The following MACROD2 variants were observed in gnomAD, a reference collection of about 807,000 sequenced individuals.
MACROD2 encodes the protein ADP-ribose glycohydrolase MACROD2.
Under a neutral mutation model 70.4 loss-of-function variants are expected in MACROD2, and 36 were observed. The ratio of observed to expected loss-of-function variants is 0.51; its 90% confidence interval spans 0.39 to 0.68. The LOEUF is 0.68. Ranked by LOEUF, MACROD2 falls within the 30% of genes least tolerant of loss-of-function variation. The probability of loss-of-function intolerance (pLI) is 0.00; values close to 1 mark genes in which losing one functional copy is unlikely to be tolerated. For missense variants in MACROD2, 496 were observed against 538.4 expected (o/e 0.92, Z 0.78); for synonymous variants, 172 against 178.8 (o/e 0.96, Z 0.30).
At chr20:15,487,953 C>G (rs1470528878) in intron 7 of MACROD2, among the ~76,000 whole-genome samples, 1 of 152,168 alleles carries the variant, frequency 6.6e-6, no homozygotes, top group South Asian at 2.1e-4. Flanking sequence ...GAGAATCATG[C>G]ACCTGTCTGT....
chr20:15,834,960 A>T (rs1333556674), intron 8 of MACROD2, among the ~76,000 whole-genome samples: 1 of 152,154 alleles, frequency 6.6e-6, no homozygotes, highest in South Asian at 2.1e-4. Flanking sequence ...AGGCTAAGTT[A>T]TAAAAGGCTT....
intron 3 of MACROD2, among the ~76,000 whole-genome samples, chr20:14,273,730 C>A (rs1017025771): frequency 5.3e-5 from 8 of 152,014 alleles, no homozygotes; most frequent in Non-Finnish European, 8.8e-5. Context: ...AGGATCAACA[C>A]AATTGATAGA....
In MACROD2 at chr20:15,789,851, A is replaced by G. The variant is rs139505533; in HGVS notation, c.646-72894A>G. Among the ~76,000 whole-genome samples, 1,105 of 152,196 alleles carry G rather than the reference A, an allele frequency of 7.3e-3. 6 individuals are homozygous for G. Among genetic ancestry groups the G allele is most frequent in the East Asian group, 0.015 (79 of 5,188 alleles). ...AGCTCTACAAAAATGCATGTTAACA[A>G]TTCTCAAAATTTGAGGAACCAAGTG... On this transcript the variant is annotated intron_variant, in intron 8 of 17. Transcript: ENST00000684519.
At chr20:14,633,645 CA>C (rs1984633135) in intron 4 of MACROD2, among the ~76,000 whole-genome samples, 2 of 152,188 alleles carry the variant, frequency 1.3e-5, no homozygotes, top group Non-Finnish European at 2.9e-5. Context: ...CTTTTAGAGT[CA>C]CCATCATCCC....
At chr20:14,503,785 G>A (rs1283578979) in intron 4 of MACROD2, among the ~76,000 whole-genome samples, 1 of 152,212 alleles carries the variant, frequency 6.6e-6, no homozygotes. Flanking sequence ...TACAAATGTG[G>A]TATGATGTCC....
At chr20:14,542,530 T>C (rs923030341) in intron 4 of MACROD2, among the ~76,000 whole-genome samples, 1 of 152,230 alleles carries the variant, frequency 6.6e-6, no homozygotes, top group Non-Finnish European at 1.5e-5. Context: ...GAATGAATAC[T>C]TAACATTTGT....
At chr20:15,216,676 A>G (rs536753069) in intron 5 of MACROD2, among the ~76,000 whole-genome samples, 5 of 152,294 alleles carry the variant, frequency 3.3e-5, no homozygotes, top group African/African-American at 1.2e-4. Context: ...CACGACGGTA[A>G]GCTGACTGTG....
At chr20:15,560,229 A>C (rs1255435405) in intron 8 of MACROD2, among the ~76,000 whole-genome samples, 1 of 152,196 alleles carries the variant, frequency 6.6e-6, no homozygotes, top group Non-Finnish European at 1.5e-5. Flanking sequence ...TAGGAGACCC[A>C]AATTTGACTC....
At chr20:15,526,861 G>A (rs1473237269) in intron 8 of MACROD2, among the ~76,000 whole-genome samples, 2 of 152,102 alleles carry the variant, frequency 1.3e-5, no homozygotes, top group African/African-American at 4.8e-5. Context: ...AATGACTACT[G>A]TTTAGTCAAT....
At chr20:15,005,766 C>T (rs8123626) in intron 5 of MACROD2, among the ~76,000 whole-genome samples, 3,556 of 152,208 alleles carry the variant, frequency 0.023, 141 homozygotes, top group African/African-American at 0.081. Flanking sequence ...TGCTCTGCCT[C>T]AAACCAGCCT....
chr20:15,246,508 AT>A (rs542370897), intron 6 of MACROD2, among the ~76,000 whole-genome samples: 30 of 151,478 alleles, frequency 2.0e-4, no homozygotes, highest in African/African-American at 3.1e-4. Context: ...CCATCTTTTT[AT>A]TTTTTTTTAT....
intron 8 of MACROD2, among the ~76,000 whole-genome samples, chr20:15,561,921 T>G (rs2048249977): frequency 6.6e-6 from 1 of 152,198 alleles, no homozygotes; most frequent in African/African-American, 2.4e-5. Flanking sequence ...ATTATGCATG[T>G]ACTTTCCTGG....
intron 2 of MACROD2, among the ~76,000 whole-genome samples, chr20:14,076,437 A>C (rs972412760): frequency 6.6e-6 from 1 of 151,844 alleles, no homozygotes; most frequent in Non-Finnish European, 1.5e-5. Flanking sequence ...GATCACTTGA[A>C]CTCAGGAGTT....
Position 14,702,637 on chromosome 20 carries a change from GTA to G in MACROD2, c.418+17689_418+17690del, listed in dbSNP as rs373374437. ...TGTATATATATATACATATATATAT[GTA>G]TATATATATACACATATATATGTGT... is the stretch of plus-strand genomic sequence containing the variant. On this transcript the variant is annotated intron_variant, in intron 5 of 17. Transcript: ENST00000684519. Among the ~76,000 whole-genome samples the G allele has an allele frequency of 2.2e-3, 147 of 65,394 alleles. 14 individuals are homozygous for G. Among genetic ancestry groups the G allele is most frequent in the Middle Eastern group, 8.8e-3 (1 of 114 alleles). 42.9% of individuals were successfully genotyped at this position (65,394 alleles called of 152,430 possible).
At chr20:15,019,457 A>G (rs1422708792) in intron 5 of MACROD2, among the ~76,000 whole-genome samples, 1 of 152,212 alleles carries the variant, frequency 6.6e-6, no homozygotes, top group African/African-American at 2.4e-5. Flanking sequence ...GCTGACCCAC[A>G]TGAGAAGCAG....
rs2146402111 is a variant in MACROD2, at chr20:15,455,446, G to A, written c.571+24011G>A. ...GAATACAAGTGTCTCTAGCATCTGA[G>A]CAACCCAGAACATTCAACAAGTAAT... On this transcript the variant is annotated intron_variant, in intron 7 of 17. Transcript: ENST00000684519. Among the ~76,000 whole-genome samples, 3 of 152,236 alleles carry A rather than the reference G, an allele frequency of 2.0e-5. 1 individual carries two copies. In the South Asian group the frequency reaches 6.2e-4, roughly 32 times the overall value.
chr20:14,305,227 T>C (rs574031207), intron 3 of MACROD2, among the ~76,000 whole-genome samples: 1 of 152,182 alleles, frequency 6.6e-6, no homozygotes, highest in African/African-American at 2.4e-5. Flanking sequence ...ATCTAAAATA[T>C]AGACCTCTTT....
At chr20:14,789,880 A>G (rs2072428587) in intron 5 of MACROD2, among the ~76,000 whole-genome samples, 1 of 152,090 alleles carries the variant, frequency 6.6e-6, no homozygotes, top group Non-Finnish European at 1.5e-5. Context: ...CTATGATGAG[A>G]AATCAAAATT....
intron 5 of MACROD2, chr20:14,850,118 G>C: frequency 2.5e-6 from 1 of 408,020 alleles, no homozygotes; most frequent in Middle Eastern, 4.1e-4. Context: ...TAGTTTAAAA[G>C]TTTGAAAGCT....
Sources: allele counts gnomAD v4.1 joint callset (sites outside exome capture counted in the v4.1 genomes callset), GRCh38; gene constraint gnomAD v4.1.1; transcripts MANE v1.5; gene names NCBI Gene and HGNC (gene_info 2026-07-23, HGNC 2026-07-21).